Variants in CDH6 observed in about 807,000 individuals in gnomAD.
CDH6 encodes cadherin 6, also known as cadherin-6.
A neutral mutation model predicts 78.0 loss-of-function variants in CDH6; 31 were observed. The ratio of observed to expected loss-of-function variants is 0.40; its 90% CI spans 0.30 to 0.54. The LOEUF (loss-of-function observed/expected upper bound fraction) is 0.54. Among genes scored for constraint, CDH6 ranks in the 20% least tolerant of loss-of-function variants. The pLI is 0.56. For synonymous variants in CDH6, 376 were observed against 368.8 expected, an observed-to-expected ratio of 1.02 and a Z score of -0.23; for missense variants, 724 against 975.9, an observed-to-expected ratio of 0.74 and a Z score of 3.44.
At chr5:31,236,116 A>C (rs1396050122) in intron 1 of CDH6, among the ~76,000 whole-genome samples, 1 of 152,194 alleles carries the variant, frequency 6.6e-6, no homozygotes, top group Non-Finnish European at 1.5e-5. Flanking sequence ...ATGCGGTATA[A>C]ATTTTTATTA....
At chr5:31,303,960 G>A (rs568338192) in intron 6 of CDH6, among the ~76,000 whole-genome samples, 8 of 152,146 alleles carry the variant, frequency 5.3e-5, no homozygotes, top group South Asian at 2.1e-4. Flanking sequence ...ATTCACCAAC[G>A]TCTAGATTAA....
rs187706491 is a variant in CDH6 at position 31,328,745 on chromosome 5, C to T, written c.*5437C>T. On this transcript the variant is annotated 3_prime_UTR_variant, in exon 12 of 12. Transcript: ENST00000265071. ...GATGCCACCCTTGAAGATTTACTGGCGGGAATGCTCACTCTTGTCGTTTTC... is the reference window on the plus strand; with the variant it reads ...GATGCCACCCTTGAAGATTTACTGGTGGGAATGCTCACTCTTGTCGTTTTC... 1.9e-5 allele frequency: 4 copies of T among 215,782 alleles called. No individual in the cohort carries two copies. The highest frequency in any genetic ancestry group is 1.4e-4 in the East Asian group (2 of 14,550). The allele number at this position is 215,782 out of a possible 1,614,324, so 13.4% of individuals were successfully genotyped here. A position where few individuals can be genotyped will look rare whatever the true frequency, so the allele number is the denominator to read the frequency against.
intron 1 of CDH6, among the ~76,000 whole-genome samples, chr5:31,238,968 G>A (rs1213972220): frequency 6.6e-6 from 1 of 152,190 alleles, no homozygotes; most frequent in African/African-American, 2.4e-5. Context: ...GTAGTCAAAT[G>A]CCCAAATACA....
intron 8 of CDH6, among the ~76,000 whole-genome samples, chr5:31,314,490 A>G (rs1738249613): frequency 6.6e-6 from 1 of 151,876 alleles, no homozygotes. Flanking sequence ...CTCTGTCAAT[A>G]TAACTCATGA....
rs748073338 is a variant in CDH6 at position 31,305,177 on chromosome 5, T to C, written c.1003T>C (p.Leu335=). Residue 335 remains leucine (L), a synonymous_variant, in exon 7 of 12, where the codon TTG becomes CTG. Transcript: ENST00000265071. ...QEGIITVKKL[L]DFEKKKVYTL... ...TTCCCCCACCCCCAACCTCAAGCTC[T>C]TGGACTTTGAAAAGAAGAAAGTGTA... 6.2e-7 allele frequency: 1 copy of C among 1,611,240 alleles called. No individual in the cohort carries two copies. Among genetic ancestry groups the C allele is most frequent in the Admixed American group, 1.7e-5 (1 of 59,708 alleles).
chr5:31,314,007 T>G (rs1024523054), intron 8 of CDH6, among the ~76,000 whole-genome samples: 2 of 152,126 alleles, frequency 1.3e-5, no homozygotes, highest in Admixed American at 6.5e-5. Flanking sequence ...TAGAATGAAT[T>G]TTATGGTAGC....
intron 1 of CDH6, among the ~76,000 whole-genome samples, chr5:31,248,189 T>C (rs1018968004): frequency 2.6e-5 from 4 of 152,214 alleles, no homozygotes; most frequent in African/African-American, 9.6e-5. Flanking sequence ...CTCATTGGCA[T>C]GAGTACGATG....
chr5:31,311,666 C>T (rs1031938362), intron 7 of CDH6, among the ~76,000 whole-genome samples: 4 of 152,248 alleles, frequency 2.6e-5, no homozygotes, highest in South Asian at 4.2e-4. Flanking sequence ...GTACAGGAAG[C>T]GTGGCTAGGA....
intron 1 of CDH6, among the ~76,000 whole-genome samples, chr5:31,235,794 A>G (rs1209891686): frequency 6.6e-6 from 1 of 152,206 alleles, no homozygotes; most frequent in Non-Finnish European, 1.5e-5. Flanking sequence ...AAGAAGCAAT[A>G]CTTTAGCCAC....
At chr5:31,322,733 C>A in intron 11 of CDH6, 85 bp from the exon 12 acceptor site, 1 of 1,474,814 alleles carries the variant, frequency 6.8e-7, no homozygotes, top group South Asian at 1.4e-5. Flanking sequence ...TAAAACTTCA[C>A]ATTTGAGCAC....
rs552109398 is a variant in CDH6 at position 31,317,683 on chromosome 5, G to A, written c.1641G>A (p.Ala547=). Residue 547 remains alanine, a synonymous_variant, in exon 11 of 12, where the codon GCG becomes GCA. Coordinates refer to ENST00000265071, the MANE Select transcript of CDH6 (RefSeq NM_004932.4). ...FTIQDNKDNT[A]GILTRKNGYN... is the part of the protein sequence containing the mutation. ...GCTTTCCGGTTCCAGACAACACGGCGGGAATCTTAACTCGGAAAAATGGCT... is the reference window on the plus strand; with the variant it reads ...GCTTTCCGGTTCCAGACAACACGGCAGGAATCTTAACTCGGAAAAATGGCT... 4 of 1,608,510 alleles carry A rather than the reference G, an allele frequency of 2.5e-6. No homozygotes were observed. Among genetic ancestry groups the A allele is most frequent in the Admixed American group, 1.7e-5 (1 of 59,920 alleles).
chr5:31,224,902 A>G (rs1172055939), intron 1 of CDH6, among the ~76,000 whole-genome samples: 1 of 152,202 alleles, frequency 6.6e-6, no homozygotes, highest in Non-Finnish European at 1.5e-5. Flanking sequence ...TTTATATTTC[A>G]GCCAAGTTTT....
chr5:31,247,441 G>T (rs1238168554), intron 1 of CDH6, among the ~76,000 whole-genome samples: 1 of 152,192 alleles, frequency 6.6e-6, no homozygotes, highest in African/African-American at 2.4e-5. Flanking sequence ...CATTCCACCT[G>T]CTTCTATCTG....
intron 11 of CDH6, chr5:31,318,729 G>C (rs1738396874): frequency 8.8e-6 from 2 of 227,480 alleles, no homozygotes; most frequent in Non-Finnish European, 1.7e-5. Flanking sequence ...GATTTGTAAA[G>C]CTTGCCTATA....
At chr5:31,219,395 G>T (rs185758264) in intron 1 of CDH6, among the ~76,000 whole-genome samples, 1 of 152,192 alleles carries the variant, frequency 6.6e-6, no homozygotes, top group East Asian at 1.9e-4. Flanking sequence ...TTTTTCTGGA[G>T]CACCCTGGCT....
chr5:31,202,051 A>T lies in CDH6; in HGVS notation c.-129+8165A>T, dbSNP rs530565609. 5.9e-5 allele frequency among the ~76,000 whole-genome samples: 9 copies of T among 152,288 alleles called. No individual in the cohort carries two copies. The East Asian group carries it at 1.7e-3, about 29-fold the overall frequency. On this transcript the variant is annotated intron_variant, in intron 1 of 11. Transcript: ENST00000265071. ...ATGAAAAGTTTTAAATTTATATCTA[A>T]CTCTATAAGCCGGAACAAACACAGC... is the stretch of plus-strand genomic sequence containing the variant.
intron 6 of CDH6, among the ~76,000 whole-genome samples, chr5:31,302,599 G>T (rs1268957925): frequency 1.3e-5 from 2 of 150,770 alleles, no homozygotes; most frequent in African/African-American, 4.9e-5. Context: ...TGTAATCCCA[G>T]CTACTCTGGA....
intron 5 of CDH6, 73 bp downstream of exon 5, chr5:31,299,704 C>T (rs1383925517): frequency 1.5e-6 from 2 of 1,306,694 alleles, no homozygotes; most frequent in African/African-American, 2.9e-5. Context: ...TTTTTATTTT[C>T]CATTGTCATC....
At chr5:31,288,889 G>A (rs528898561) in intron 2 of CDH6, among the ~76,000 whole-genome samples, 3 of 152,294 alleles carry the variant, frequency 2.0e-5, no homozygotes, top group African/African-American at 7.2e-5. Context: ...CTAAGCCCAC[G>A]TAAGGCTGCT....
Sources: allele counts gnomAD v4.1 joint callset (sites outside exome capture counted in the v4.1 genomes callset), GRCh38; gene constraint gnomAD v4.1.1; transcripts MANE v1.5; gene names NCBI Gene and HGNC (gene_info 2026-07-23, HGNC 2026-07-21).